Variants in CTNNA3 observed in about 807,000 individuals in gnomAD.
The protein encoded by CTNNA3 is catenin alpha 3, also known as catenin alpha-3.
In CTNNA3, 76 loss-of-function variants were observed where a neutral mutation model predicts 95.7. The ratio of observed to expected loss-of-function variants is 0.79; its 90% confidence interval spans 0.66 to 0.96. The LOEUF (loss-of-function observed/expected upper bound fraction) is 0.96. CTNNA3 is among the 40% of genes least tolerant of loss of function. The pLI is 0.00. For missense variants in CTNNA3, 1,191 were observed against 1,089.8 expected (o/e 1.09, Z -1.31); for synonymous variants, 431 against 374.4 (o/e 1.15, Z -1.74).
intron 1 of CTNNA3, chr10:67,750,926 C>G: frequency 1.2e-6 from 2 of 1,609,936 alleles, no homozygotes; most frequent in East Asian, 2.2e-5. Flanking sequence ...CCCCTAGGCT[C>G]TCCGGATAGA....
At chr10:66,398,313 C>A in intron 11 of CTNNA3, among the ~76,000 whole-genome samples, 1 of 151,842 alleles carries the variant, frequency 6.6e-6, no homozygotes, top group East Asian at 1.9e-4. Context: ...TCTCTTATTT[C>A]CTAATTATGT....
intron 4 of CTNNA3, among the ~76,000 whole-genome samples, chr10:67,529,152 T>A (rs910263068): frequency 6.6e-6 from 1 of 152,016 alleles, no homozygotes; most frequent in Non-Finnish European, 1.5e-5. Context: ...AATTTTTACT[T>A]GTCAAAATAG....
chr10:66,972,275 C>T (rs941711418), intron 7 of CTNNA3, among the ~76,000 whole-genome samples: 4 of 152,128 alleles, frequency 2.6e-5, no homozygotes, highest in African/African-American at 9.7e-5. Context: ...CTCCTTTACC[C>T]ACATGACATA....
chr10:67,582,959 A>G (rs1442239735), intron 3 of CTNNA3, among the ~76,000 whole-genome samples: 1 of 151,972 alleles, frequency 6.6e-6, no homozygotes, highest in African/African-American at 2.4e-5. Context: ...GTGTCTCTGC[A>G]CAAGAGATGG....
chr10:66,840,783 C>G (rs1478804140), intron 7 of CTNNA3, among the ~76,000 whole-genome samples: 1 of 152,186 alleles, frequency 6.6e-6, no homozygotes, highest in East Asian at 1.9e-4. Flanking sequence ...CTCTCTCTCT[C>G]TGTCCTATTT....
At position 67,131,222 on chromosome 10, in the gene CTNNA3, T is replaced by C. The variant is rs11595847; in HGVS notation, c.1047+49095A>G. On this transcript the variant is annotated intron_variant, in intron 7 of 17. Transcript: ENST00000433211. Reference sequence around the variant, plus strand: ...CTTTTCTGAGCCAAGAGGGTTGGGTTAGGTACCTTTCTTTGGTGTTTCCAT... The same window carrying C: ...CTTTTCTGAGCCAAGAGGGTTGGGTCAGGTACCTTTCTTTGGTGTTTCCAT... Among the ~76,000 whole-genome samples, 330 of 152,168 alleles carry C rather than the reference T, an allele frequency of 2.2e-3. 1 individual carries two copies. In the Middle Eastern group the frequency reaches 0.024, roughly 11 times the overall value.
intron 7 of CTNNA3, among the ~76,000 whole-genome samples, chr10:67,086,442 T>G (rs1016121981): frequency 5.3e-5 from 8 of 152,046 alleles, no homozygotes; most frequent in African/African-American, 1.4e-4. Context: ...TATCAGTAAG[T>G]AATCATATCA....
Position 66,481,131 on chromosome 10 carries a change from G to A in CTNNA3, c.1531+39486C>T, listed in dbSNP as rs531583635. On this transcript the variant is annotated intron_variant, in intron 11 of 17. Transcript: ENST00000433211. ...AGTTTATATGTATAAATTGGTAGGC[G>A]TAAAGGTATATGTCTGTATATATGA... is the stretch of plus-strand genomic sequence containing the variant. Among the ~76,000 whole-genome samples, 20 of 152,212 alleles carry A rather than the reference G, an allele frequency of 1.3e-4. No homozygotes were observed. The East Asian group carries it at 1.4e-3, about 10-fold the overall frequency.
intron 13 of CTNNA3, among the ~76,000 whole-genome samples, chr10:66,210,604 C>T (rs184879913): frequency 6.6e-6 from 1 of 151,952 alleles, no homozygotes; most frequent in East Asian, 1.9e-4. Context: ...CATTTAGGTA[C>T]ACTCTTACTT....
intron 6 of CTNNA3, among the ~76,000 whole-genome samples, chr10:67,201,782 A>G (rs1303673475): frequency 6.6e-6 from 1 of 152,192 alleles, no homozygotes; most frequent in African/African-American, 2.4e-5. Flanking sequence ...AGTCAACCTG[A>G]AAGAAACCAA....
At chr10:67,668,832 C>CTTTTT (rs869150567) in intron 1 of CTNNA3, among the ~76,000 whole-genome samples, 34 of 90,080 alleles carry the variant, frequency 3.8e-4, no homozygotes, top group Non-Finnish European at 5.4e-4. Flanking sequence ...TACTGTGTTT[C>CTTTTT]TTTTTTTTTT....
intron 13 of CTNNA3, among the ~76,000 whole-genome samples, chr10:66,223,298 T>C (rs934268207): frequency 4.6e-5 from 7 of 152,072 alleles, no homozygotes; most frequent in Admixed American, 3.9e-4. Context: ...CCTAAGTATG[T>C]TAGGTAATGG....
chr10:67,422,252 G>T (rs1420560468), intron 5 of CTNNA3, among the ~76,000 whole-genome samples: 1 of 152,066 alleles, frequency 6.6e-6, no homozygotes, highest in Non-Finnish European at 1.5e-5. Flanking sequence ...TCCTGATTTT[G>T]ATAACTGTAT....
intron 5 of CTNNA3, among the ~76,000 whole-genome samples, chr10:67,360,331 A>G (rs373644405): frequency 6.6e-6 from 1 of 151,958 alleles, no homozygotes; most frequent in African/African-American, 2.4e-5. Context: ...TAATATCATG[A>G]CTGGATCAAA....
chr10:65,961,487 T>C (rs1205951424), intron 17 of CTNNA3, among the ~76,000 whole-genome samples: 1 of 152,158 alleles, frequency 6.6e-6, no homozygotes, highest in Non-Finnish European at 1.5e-5. Context: ...TGTAAAAATA[T>C]TCAAGGACTT....
intron 13 of CTNNA3, among the ~76,000 whole-genome samples, chr10:66,160,299 T>C (rs1189650251): frequency 6.6e-6 from 1 of 152,036 alleles, no homozygotes; most frequent in East Asian, 1.9e-4. Flanking sequence ...TTCAGTCTTT[T>C]TGATGTAGGC....
intron 13 of CTNNA3, among the ~76,000 whole-genome samples, chr10:66,148,912 T>G (rs889819242): frequency 6.6e-6 from 1 of 151,764 alleles, no homozygotes; most frequent in Non-Finnish European, 1.5e-5. Context: ...AAGTTTTAAA[T>G]AGATTACAAA....
chr10:67,634,504 A>G (rs994489369), intron 2 of CTNNA3, among the ~76,000 whole-genome samples: 2 of 152,250 alleles, frequency 1.3e-5, no homozygotes, highest in Non-Finnish European at 2.9e-5. Context: ...AATGGGCTAA[A>G]TGTTCCAATT....
intron 9 of CTNNA3, among the ~76,000 whole-genome samples, chr10:66,672,181 C>T (rs1042357914): frequency 4.6e-5 from 7 of 152,042 alleles, no homozygotes; most frequent in African/African-American, 7.2e-5. Flanking sequence ...ATGTTTTCAC[C>T]GCTACAAAGA....
Sources: gnomAD v4.1 joint callset for allele counts (sites outside exome capture counted in the v4.1 genomes callset) on GRCh38, gnomAD v4.1.1 for gene constraint, MANE v1.5 for transcripts, NCBI Gene and HGNC (gene_info 2026-07-23, HGNC 2026-07-21) for gene names.